Variants in EXOC4 observed in about 807,000 individuals in gnomAD.
EXOC4 encodes exocyst complex component 4.
EXOC4 carries 71 observed loss-of-function variants against 107.2 expected under a neutral mutation model. The observed-to-expected ratio is 0.66, with a 90% CI of 0.55 to 0.81. The LOEUF (loss-of-function observed/expected upper bound fraction) is 0.81. EXOC4 is among the 30% of genes least tolerant of loss of function. The pLI, the probability that EXOC4 is intolerant of heterozygous loss-of-function variation, is 0.00. For missense variants in EXOC4, 1,108 were observed against 1,189.6 expected (o/e 0.93, Z 1.01); for synonymous variants, 456 against 441.2 (o/e 1.03, Z -0.42).
intron 10 of EXOC4, among the ~76,000 whole-genome samples, chr7:133,642,662 A>G (rs1466128208): frequency 2.6e-5 from 4 of 152,088 alleles, no homozygotes; most frequent in South Asian, 4.1e-4. Flanking sequence ...TCCATCTTCT[A>G]CACTACTTCC....
At chr7:133,301,671 T>C (rs1444137556) in intron 3 of EXOC4, among the ~76,000 whole-genome samples, 1 of 152,238 alleles carries the variant, frequency 6.6e-6, no homozygotes. Flanking sequence ...GTTTTGTTTT[T>C]TGTTTATACA....
rs576733873 is a variant in EXOC4, at chr7:133,727,392, T to C, written c.1515-89933T>C. The C allele has an allele frequency of 5.0e-5, 8 of 159,074 alleles. No individual in the cohort carries two copies. The East Asian group carries it at 1.5e-3, about 31-fold the overall frequency. The allele number at this position is 159,074 out of a possible 1,614,324, so 9.9% of individuals were successfully genotyped here. A position where few individuals can be genotyped will look rare whatever the true frequency, so the allele number is the denominator to read the frequency against. On this transcript the variant is annotated intron_variant, in intron 10 of 17. Coordinates refer to ENST00000253861, the MANE Select transcript of EXOC4 (RefSeq NM_021807.4). ...GGCCACCTGCTGGGACACCACCTTC[T>C]AATGGATTCCACAATTAAGGCATTG... is the stretch of plus-strand genomic sequence containing the variant.
At chr7:133,711,289 A>T (rs1794888078) in intron 10 of EXOC4, among the ~76,000 whole-genome samples, 2 of 152,196 alleles carry the variant, frequency 1.3e-5, no homozygotes, top group South Asian at 4.1e-4. Flanking sequence ...ATGGGCCACT[A>T]AACATTTCAA....
chr7:133,889,425 A>AT (rs963891779), intron 11 of EXOC4, among the ~76,000 whole-genome samples: 6 of 145,668 alleles, frequency 4.1e-5, no homozygotes, highest in Non-Finnish European at 7.5e-5. Flanking sequence ...TATTATTATT[A>AT]TTTTTTTTAA....
At chr7:133,631,162 A>G (rs1802583420) in intron 10 of EXOC4, among the ~76,000 whole-genome samples, 2 of 152,124 alleles carry the variant, frequency 1.3e-5, no homozygotes, top group Non-Finnish European at 1.5e-5. Context: ...CAGAGTATAT[A>G]TTTGTGGCAT....
At chr7:133,582,606 G>A (rs537616047) in intron 9 of EXOC4, among the ~76,000 whole-genome samples, 10 of 151,718 alleles carry the variant, frequency 6.6e-5, no homozygotes, top group Non-Finnish European at 1.3e-4. Flanking sequence ...TTTAAATAAG[G>A]TGAAGTGTAA....
chr7:133,994,983 G>A (rs971839746), intron 14 of EXOC4, among the ~76,000 whole-genome samples: 1 of 152,112 alleles, frequency 6.6e-6, no homozygotes, highest in Non-Finnish European at 1.5e-5. Context: ...AAGCCCTGAG[G>A]AGTTCACAAG....
intron 10 of EXOC4, among the ~76,000 whole-genome samples, chr7:133,712,526 A>G (rs1474939304): frequency 2.0e-5 from 3 of 150,574 alleles, no homozygotes; most frequent in Non-Finnish European, 3.0e-5. Context: ...ACCATGATGC[A>G]TGATGGCAGG....
At chr7:134,080,345 C>A in the EXOC4 span, among the ~76,000 whole-genome samples, 1 of 152,142 alleles carries the variant, frequency 6.6e-6, no homozygotes, top group Non-Finnish European at 1.5e-5. Flanking sequence ...GTTGTGAGTA[C>A]AACTGGGGAC....
intron 7 of EXOC4, among the ~76,000 whole-genome samples, chr7:133,431,869 T>C (rs967303667): frequency 2.6e-5 from 4 of 152,242 alleles, no homozygotes; most frequent in Non-Finnish European, 5.9e-5. Context: ...GACTTTATTT[T>C]ATAAGGCTTT....
intron 17 of EXOC4, among the ~76,000 whole-genome samples, chr7:134,020,174 AC>A (rs2116418313): frequency 6.6e-6 from 1 of 152,328 alleles, no homozygotes; most frequent in Non-Finnish European, 1.5e-5. Flanking sequence ...CTTCCCAAAG[AC>A]TAGAAGGTAT....
intron 5 of EXOC4, among the ~76,000 whole-genome samples, chr7:133,333,790 CT>C (rs1563023031): frequency 6.6e-6 from 1 of 152,174 alleles, no homozygotes; most frequent in Non-Finnish European, 1.5e-5. Context: ...TTATTTCTAG[CT>C]CTTTTCAATA....
intron 10 of EXOC4, among the ~76,000 whole-genome samples, chr7:133,792,718 C>G (rs1448320053): frequency 3.3e-5 from 5 of 151,884 alleles, no homozygotes; most frequent in Admixed American, 2.6e-4. Context: ...TATGTTGAAG[C>G]CTTAAGTGGA....
intron 5 of EXOC4, among the ~76,000 whole-genome samples, chr7:133,336,012 C>T (rs1166805285): frequency 6.6e-6 from 1 of 152,068 alleles, no homozygotes; most frequent in East Asian, 1.9e-4. Flanking sequence ...CTACTCAAGT[C>T]CTTTGCCCAT....
At chr7:133,400,238 C>T (rs1333505330) in intron 7 of EXOC4, among the ~76,000 whole-genome samples, 2 of 152,190 alleles carry the variant, frequency 1.3e-5, no homozygotes, top group African/African-American at 4.8e-5. Flanking sequence ...AGACCTGGTT[C>T]TAGAGGACTG....
rs1584864778 is a variant in EXOC4, at chr7:133,375,099, A to G, written c.1182+97A>G. 7.4e-6 allele frequency: 7 copies of G among 941,954 alleles called. No homozygotes were observed. In the East Asian group the frequency reaches 1.8e-4, roughly 24 times the overall value. The allele number at this position is 941,954 out of a possible 1,614,324, so 58.3% of individuals were successfully genotyped here. ...AACAAGCCACCTAAAACACTATCTT[A>G]AGAGTCATAAACAGGGTGAGAAAGT... On this transcript the variant is annotated intron_variant, in intron 7 of 17. Coordinates refer to ENST00000253861, the MANE Select transcript of EXOC4 (RefSeq NM_021807.4).
chr7:133,305,743 C>T (rs1278115918), intron 3 of EXOC4, 134 bp from the exon 4 acceptor site: 17 of 679,928 alleles, frequency 2.5e-5, no homozygotes, highest in Non-Finnish European at 3.7e-5. Flanking sequence ...TTATACTCTA[C>T]GAAGTCTTTT....
At chr7:133,584,915 G>A (rs1002729029) in intron 9 of EXOC4, among the ~76,000 whole-genome samples, 1 of 152,018 alleles carries the variant, frequency 6.6e-6, no homozygotes, top group South Asian at 2.1e-4. Context: ...TTCCATATAA[G>A]ATTTCCACTG....
chr7:133,416,912 G>A (rs1797489162), intron 7 of EXOC4, among the ~76,000 whole-genome samples: 1 of 152,166 alleles, frequency 6.6e-6, no homozygotes, highest in African/African-American at 2.4e-5. Flanking sequence ...AGGTAGCAAT[G>A]TGGGATATTA....
Sources: gnomAD v4.1 joint callset for allele counts (sites outside exome capture counted in the v4.1 genomes callset) on GRCh38, gnomAD v4.1.1 for gene constraint, MANE v1.5 for transcripts, NCBI Gene and HGNC (gene_info 2026-07-23, HGNC 2026-07-21) for gene names.